PMFBP1: variants seen among roughly 807,000 people sequenced by gnomAD.
PMFBP1 encodes the protein polyamine-modulated factor 1-binding protein 1.
In PMFBP1, 131 loss-of-function variants were observed where a neutral mutation model predicts 137.8. That is an observed-to-expected ratio of 0.95 (90% CI 0.82 to 1.10). PMFBP1 has a LOEUF of 1.10. PMFBP1 is among the 50% of genes least tolerant of loss of function. The pLI, the probability that PMFBP1 is intolerant of heterozygous loss-of-function variation, is 0.00. For missense variants in PMFBP1, 1,199 were observed against 1,175.4 expected (o/e 1.02, Z -0.29); for synonymous variants, 490 against 450.4 (o/e 1.09, Z -1.11).
the PMFBP1 span, among the ~76,000 whole-genome samples, chr16:72,184,113 G>C: frequency 6.6e-6 from 1 of 152,032 alleles, no homozygotes; most frequent in East Asian, 1.9e-4. Context: ...CGGCTCCTTC[G>C]CTTCCTTGGC....
the PMFBP1 span, among the ~76,000 whole-genome samples, chr16:72,193,856 G>A: frequency 2.2e-4 from 33 of 151,930 alleles, no homozygotes; most frequent in East Asian, 4.6e-3. Context: ...ACATACCACC[G>A]CTAGCTAACC....
rs777939429 is a variant in PMFBP1 at position 72,154,441 on chromosome 16, C to G, written c.184G>C (p.Ala62Pro). The change falls in exon 4 of 21, where the codon GCA becomes CCA. Residue 62 changes from alanine (A) to proline (P), a missense_variant. Coordinates refer to ENST00000237353, the MANE Select transcript of PMFBP1 (RefSeq NM_031293.3). ...NSSHDKKQAQALAFEESEVEF... is the reference protein window; with the variant it reads ...NSSHDKKQAQPLAFEESEVEF... ...ACCTCTGACTCCTCGAATGCTAATG[C>G]CTGTGCTTGCTTCTTGTCCTACCAT... The G allele has an allele frequency of 7.4e-6, 12 of 1,613,876 alleles. No individual in the cohort carries two copies. The African/African-American group carries it at 1.5e-4, about 20-fold the overall frequency.
chr16:72,202,197 G>C, the PMFBP1 span, among the ~76,000 whole-genome samples: 5 of 152,168 alleles, frequency 3.3e-5, no homozygotes, highest in African/African-American at 7.2e-5. Flanking sequence ...GGTGGGTTTA[G>C]ACACTCCTCA....
the PMFBP1 span, among the ~76,000 whole-genome samples, chr16:72,227,201 A>G: frequency 1.3e-5 from 2 of 152,200 alleles, no homozygotes; most frequent in African/African-American, 4.8e-5. Flanking sequence ...GTTAACTTCA[A>G]GGTTATATGG....
At position 72,130,350 on chromosome 16, in the gene PMFBP1, C is replaced by A. The variant is rs769856820; in HGVS notation, c.1645G>T (p.Val549Leu). 6.2e-6 allele frequency: 10 copies of A among 1,614,062 alleles called. No homozygotes were observed. In the South Asian group the frequency reaches 1.1e-4, roughly 18 times the overall value. ...GAGAGTTCTAATGACAGCTCCTCCA[C>A]CCGTTTTCTAAAGCAAAATAACAGC... is the stretch of plus-strand genomic sequence containing the variant. ...EKEQTSNRKR[V>L]EELSLELSEA... Residue 549 changes from valine (V) to leucine (L), a missense_variant, in exon 12 of 21, where the codon GTG (valine) becomes TTG (leucine). Physicochemically the swap from Val to Leu is conservative, Grantham distance 32. Transcript: ENST00000237353.
At chr16:72,171,549 G>A in intron 1 of PMFBP1, 1 of 328,354 alleles carries the variant, frequency 3.0e-6, no homozygotes, top group East Asian at 6.0e-5. Flanking sequence ...TCTGAATCGA[G>A]TTTACTTTTT....
chr16:72,157,183 CAAAAAAAAAAAAAAAA>C (rs35414674), intron 3 of PMFBP1, among the ~76,000 whole-genome samples: 29 of 18,932 alleles, frequency 1.5e-3, no homozygotes, highest in Middle Eastern at 0.031. Flanking sequence ...GACTCCATCT[CAAAAAAAAAAAAAAAA>C]AAAAAAAAAA....
At chr16:72,218,524 A>T in the PMFBP1 span, among the ~76,000 whole-genome samples, 1 of 152,128 alleles carries the variant, frequency 6.6e-6, no homozygotes, top group East Asian at 1.9e-4. Flanking sequence ...CAAATGATCC[A>T]CCTGCCTCGG....
upstream of PMFBP1, among the ~76,000 whole-genome samples, chr16:72,180,730 G>A (rs1251416834): frequency 6.6e-6 from 1 of 152,036 alleles, no homozygotes; most frequent in Admixed American, 6.6e-5. Flanking sequence ...ACAAATCAGA[G>A]GCCTTTGGCT....
chr16:72,159,817 A>G (rs559265779), intron 3 of PMFBP1, among the ~76,000 whole-genome samples: 4 of 150,564 alleles, frequency 2.7e-5, no homozygotes, highest in Admixed American at 2.6e-4. Flanking sequence ...TTTTTAAAAC[A>G]TTCTTCCTAA....
chr16:72,171,202 C>T lies in PMFBP1; in HGVS notation c.7G>A (p.Asp3Asn), dbSNP rs1206698588. MKDEAGERDREVS... is the reference protein window; with the variant it reads MKNEAGERDREVS... ...AGAGGAGTTAGGAGCCTTACCTCAT[C>T]TTTCATTTCCTTGGCAGCTCTCAAT... Residue 3 changes from aspartate to asparagine, a missense_variant, in exon 2 of 21, where the codon GAT becomes AAT. Transcript: ENST00000237353. The T allele has an allele frequency of 1.9e-6, 3 of 1,613,934 alleles. No individual in the cohort carries two copies. The highest frequency in any genetic ancestry group is 2.5e-6 in the Non-Finnish European group (3 of 1,179,874).
intron 3 of PMFBP1, among the ~76,000 whole-genome samples, chr16:72,154,675 A>AT (rs1190723140): frequency 4.6e-5 from 7 of 152,204 alleles, no homozygotes; most frequent in Non-Finnish European, 7.3e-5. Flanking sequence ...GTAGAAGAAA[A>AT]AAAATGGTTC....
At chr16:72,190,729 T>C in the PMFBP1 span, among the ~76,000 whole-genome samples, 1 of 152,002 alleles carries the variant, frequency 6.6e-6, no homozygotes, top group African/African-American at 2.4e-5. Context: ...GCCTCAGAAC[T>C]TCTCTCTGGC....
the PMFBP1 span, among the ~76,000 whole-genome samples, chr16:72,197,219 T>C: frequency 1.3e-5 from 2 of 152,152 alleles, no homozygotes; most frequent in African/African-American, 4.8e-5. Context: ...CACCAGGTAA[T>C]TGGGCACCTA....
At chr16:72,123,478 G>T in intron 18 of PMFBP1, 68 bp downstream of exon 18, 2 of 1,363,462 alleles carry the variant, frequency 1.5e-6, no homozygotes, top group Non-Finnish European at 1.0e-6. Context: ...CTAATCTTTG[G>T]CACGCATGTG....
the PMFBP1 span, among the ~76,000 whole-genome samples, chr16:72,206,985 C>T: frequency 8.5e-5 from 13 of 152,102 alleles, no homozygotes; most frequent in East Asian, 1.7e-3. Flanking sequence ...AGGAAGGCAG[C>T]GCTGTGGCTC....
intron 2 of PMFBP1, among the ~76,000 whole-genome samples, chr16:72,168,549 C>T (rs1197838771): frequency 2.0e-5 from 3 of 152,180 alleles, no homozygotes; most frequent in Non-Finnish European, 4.4e-5. Context: ...AGCTCTGTAA[C>T]CATTACTGGG....
the PMFBP1 span, among the ~76,000 whole-genome samples, chr16:72,187,474 TC>T: frequency 3.9e-5 from 6 of 152,186 alleles, no homozygotes; most frequent in Non-Finnish European, 8.8e-5. Context: ...GCCAAACACT[TC>T]ACTTGTAACC....
chr16:72,200,281 A>C, the PMFBP1 span, among the ~76,000 whole-genome samples: 3 of 152,278 alleles, frequency 2.0e-5, no homozygotes, highest in African/African-American at 7.2e-5. Context: ...TTTAACTGGC[A>C]GAGTAAACTG....
Sources: allele counts gnomAD v4.1 joint callset (sites outside exome capture counted in the v4.1 genomes callset), GRCh38; gene constraint gnomAD v4.1.1; transcripts MANE v1.5; gene names NCBI Gene and HGNC (gene_info 2026-07-23, HGNC 2026-07-21).